PHF20: variants seen among roughly 807,000 people sequenced by gnomAD.
PHF20 encodes the protein glioma-expressed antigen 2.
Under a neutral mutation model 113.5 loss-of-function variants are expected in PHF20, and 23 were observed. The observed-to-expected ratio is 0.20, with a 90% CI of 0.15 to 0.29. The LOEUF is 0.29. Ranked by LOEUF, PHF20 falls within the 10% of genes least tolerant of loss-of-function variation. The pLI is 1.00. For synonymous variants in PHF20, 434 were observed against 457.3 expected (o/e 0.95, Z 0.65); for missense variants, 943 against 1,219.6 (o/e 0.77, Z 3.38).
intron 2 of PHF20, among the ~76,000 whole-genome samples, chr20:35,828,521 A>T (rs1438181762): frequency 1.3e-5 from 2 of 152,200 alleles, no homozygotes; most frequent in Non-Finnish European, 2.9e-5. Context: ...CGTGCACGGT[A>T]TGTAGTATTA....
At chr20:35,896,922 A>T (rs922109084) in intron 9 of PHF20, among the ~76,000 whole-genome samples, 2 of 151,562 alleles carry the variant, frequency 1.3e-5, no homozygotes, top group African/African-American at 4.9e-5. Flanking sequence ...TTTGAAATTG[A>T]TCATTGAGTC....
chr20:35,851,615 T>G (rs572436609), intron 4 of PHF20, among the ~76,000 whole-genome samples: 90 of 144,154 alleles, frequency 6.2e-4, no homozygotes, highest in African/African-American at 2.1e-3. Flanking sequence ...CTAGATAGCC[T>G]TTAACGATGT....
chr20:35,892,045 GTTT>G (rs932566559), intron 9 of PHF20, among the ~76,000 whole-genome samples: 4 of 144,066 alleles, frequency 2.8e-5, no homozygotes, highest in Middle Eastern at 3.5e-3. Context: ...AATTTTTTTT[GTTT>G]TTTTTTGTTT....
chr20:35,876,228 A>ATT (rs538416469), intron 9 of PHF20, among the ~76,000 whole-genome samples: 1 of 148,040 alleles, frequency 6.8e-6, no homozygotes, highest in East Asian at 2.0e-4. Context: ...CCATTACTGT[A>ATT]TTTTTTTTTT....
chr20:35,890,171 G>T (rs1286876429), intron 9 of PHF20, among the ~76,000 whole-genome samples: 1 of 151,866 alleles, frequency 6.6e-6, no homozygotes, highest in African/African-American at 2.4e-5. Flanking sequence ...GAGACTATGG[G>T]TGCATGCCAC....
intron 2 of PHF20, among the ~76,000 whole-genome samples, chr20:35,816,679 C>A (rs1330013435): frequency 6.6e-6 from 1 of 151,906 alleles, no homozygotes; most frequent in Non-Finnish European, 1.5e-5. Flanking sequence ...GTCTTGAACT[C>A]CTGACCTTAT....
At chr20:35,790,357 C>T (rs536648880) in intron 1 of PHF20, among the ~76,000 whole-genome samples, 4 of 152,000 alleles carry the variant, frequency 2.6e-5, no homozygotes, top group East Asian at 1.9e-4. Context: ...CATGCCACCA[C>T]GCCTGGCTAA....
chr20:35,845,106 T>A lies in PHF20; in HGVS notation c.256-2244T>A, dbSNP rs1380932706. ...TTTTCTGTTTATAGTCCTATTTTTG[T>A]TTGGTTTTTCATTTGAAATAAAATC... On this transcript the variant is annotated intron_variant, in intron 3 of 17. Transcript: ENST00000374012. Among the ~76,000 whole-genome samples the A allele has an allele frequency of 3.9e-5, 6 of 152,120 alleles. 1 individual carries two copies. Among genetic ancestry groups the A allele is most frequent in the African/African-American group, 1.4e-4 (6 of 41,436 alleles).
intron 1 of PHF20, chr20:35,782,574 T>G (rs750611541): frequency 1.3e-5 from 2 of 152,240 alleles, no homozygotes; most frequent in African/African-American, 2.4e-5. Context: ...CCACTGTGCC[T>G]GGCCAAGAGG....
chr20:35,913,402 G>T (rs2055344572), intron 11 of PHF20, 55 bp downstream of exon 11: 2 of 1,243,008 alleles, frequency 1.6e-6, no homozygotes, highest in East Asian at 4.7e-5. Flanking sequence ...AATGGGGAGG[G>T]GTTGCTTTCT....
chr20:35,938,335 C>T (rs2055906447), intron 15 of PHF20, among the ~76,000 whole-genome samples: 1 of 152,048 alleles, frequency 6.6e-6, no homozygotes, highest in South Asian at 2.1e-4. Flanking sequence ...GGTTGAGGGG[C>T]TTAGAATTTT....
intron 1 of PHF20, among the ~76,000 whole-genome samples, chr20:35,796,325 A>C (rs2041666182): frequency 6.6e-6 from 1 of 152,050 alleles, no homozygotes; most frequent in African/African-American, 2.4e-5. Flanking sequence ...ATTTTGATTA[A>C]ATATTCTCTT....
At chr20:35,913,196 C>A (rs2055339671) in intron 10 of PHF20, 53 bp from the exon 11 acceptor site, 22 of 1,238,470 alleles carry the variant, frequency 1.8e-5, no homozygotes, top group South Asian at 1.3e-4. Flanking sequence ...AGAATAAGCA[C>A]CCCAGCATTG....
intron 6 of PHF20, among the ~76,000 whole-genome samples, chr20:35,863,692 T>A (rs928402360): frequency 6.6e-6 from 1 of 152,216 alleles, no homozygotes; most frequent in African/African-American, 2.4e-5. Context: ...GGCCTTTTGC[T>A]TATGCTTTTT....
intron 9 of PHF20, among the ~76,000 whole-genome samples, chr20:35,892,028 C>T (rs1207823073): frequency 1.3e-5 from 2 of 151,242 alleles, no homozygotes; most frequent in Non-Finnish European, 2.9e-5. Flanking sequence ...CGCCACCACC[C>T]CCAGCTAATT....
chr20:35,889,090 T>C (rs2054796921), intron 9 of PHF20, among the ~76,000 whole-genome samples: 1 of 148,126 alleles, frequency 6.8e-6, no homozygotes, highest in African/African-American at 2.5e-5. Context: ...AATCTTGGCT[T>C]ACTGCACCCT....
chr20:35,784,457 G>GTTTT (rs1569115839), intron 1 of PHF20, among the ~76,000 whole-genome samples: 2 of 134,016 alleles, frequency 1.5e-5, no homozygotes, highest in Non-Finnish European at 3.1e-5. Flanking sequence ...TTTTTTTTGA[G>GTTTT]ATGGAGTCTC....
chr20:35,914,156 G>A lies in PHF20; in HGVS notation c.1784G>A (p.Gly595Asp). 2 of 1,614,134 alleles carry A rather than the reference G, an allele frequency of 1.2e-6. No individual in the cohort carries two copies. The highest frequency in any genetic ancestry group is 1.7e-6 in the Non-Finnish European group (2 of 1,180,038). ...GTCCATATGAGCCCGCAGCTTCATG[G>A]CCCAGAATCTGGACACCACAAAGGG... The part of the protein sequence containing the change: ...PGVHMSPQLH[G>D]PESGHHKGKV... The change falls in exon 12 of 18, where the codon GGC (glycine) becomes GAC (aspartate). Residue 595 changes from glycine (G) to aspartate (D), a missense_variant. Physicochemically the swap from Gly to Asp is moderately conservative, Grantham distance 94 (BLOSUM62 -1). Transcript: ENST00000374012.
intron 1 of PHF20, 81 bp downstream of exon 1, chr20:35,772,160 G>A (rs1013480588): frequency 1.3e-5 from 2 of 149,926 alleles, no homozygotes; most frequent in Non-Finnish European, 3.0e-5. Flanking sequence ...TGCGGGCGGG[G>A]ACGGCGACGG....
Sources: gnomAD v4.1 joint callset for allele counts (sites outside exome capture counted in the v4.1 genomes callset) on GRCh38, gnomAD v4.1.1 for gene constraint, MANE v1.5 for transcripts, NCBI Gene and HGNC (gene_info 2026-07-23, HGNC 2026-07-21) for gene names.